UBTD2: variants seen among roughly 807,000 people sequenced by gnomAD.
The protein encoded by UBTD2 is ubiquitin domain-containing protein 2.
UBTD2 carries 9 observed loss-of-function variants against 19.8 expected under a neutral mutation model. The observed-to-expected ratio is 0.46, with a 90% CI of 0.27 to 0.79. The LOEUF (loss-of-function observed/expected upper bound fraction) is 0.79. Ranked by LOEUF, UBTD2 falls within the 30% of genes least tolerant of loss-of-function variation. The pLI, the probability that UBTD2 is intolerant of heterozygous loss-of-function variation, is 0.14. For missense variants in UBTD2, 250 were observed against 300.4 expected, an observed-to-expected ratio of 0.83 and a Z score of 1.24; for synonymous variants, 98 against 103.9, an observed-to-expected ratio of 0.94 and a Z score of 0.35.
chr5:172,218,805 A>AT (rs1429572350), intron 2 of UBTD2, among the ~76,000 whole-genome samples: 15 of 105,970 alleles, frequency 1.4e-4, no homozygotes, highest in Non-Finnish European at 2.4e-4. Flanking sequence ...AAATAAAAAA[A>AT]AAAATAAAAA....
At chr5:172,245,900 A>G (rs1410674209) in intron 1 of UBTD2, among the ~76,000 whole-genome samples, 1 of 152,228 alleles carries the variant, frequency 6.6e-6, no homozygotes, top group African/African-American at 2.4e-5. Context: ...GCCTGCTGAA[A>G]CAAAACAAAA....
intron 1 of UBTD2, among the ~76,000 whole-genome samples, chr5:172,241,984 C>T (rs1581220265): frequency 6.6e-6 from 1 of 152,264 alleles, no homozygotes; most frequent in African/African-American, 2.4e-5. Flanking sequence ...TGCAACTGCA[C>T]TCTAGCCTGG....
At chr5:172,255,077 T>A in intron 1 of UBTD2, 1 of 493,374 alleles carries the variant, frequency 2.0e-6, no homozygotes, top group African/African-American at 2.0e-5. Context: ...CATGGACAAG[T>A]GGCACGTCAA....
intron 1 of UBTD2, among the ~76,000 whole-genome samples, chr5:172,261,163 G>A (rs1755263029): frequency 6.6e-6 from 1 of 152,140 alleles, no homozygotes; most frequent in Admixed American, 6.5e-5. Flanking sequence ...AAGCAAGAAT[G>A]TCTCTGCTCC....
chr5:172,224,836 A>G (rs1771730510), intron 2 of UBTD2, among the ~76,000 whole-genome samples: 1 of 152,240 alleles, frequency 6.6e-6, no homozygotes, highest in Non-Finnish European at 1.5e-5. Context: ...AGGTTTGCTT[A>G]AAGAAACCCA....
At position 172,261,267 on chromosome 5, in the gene UBTD2, T is replaced by A. The variant is rs151100812; in HGVS notation, c.70+22329A>T. Among the ~76,000 whole-genome samples the A allele has an allele frequency of 2.6e-5, 4 of 152,298 alleles. No individual in the cohort carries two copies. In the East Asian group the frequency reaches 7.7e-4, roughly 29 times the overall value. On this transcript the variant is annotated intron_variant, in intron 1 of 2. Coordinates refer to ENST00000393792, the MANE Select transcript of UBTD2 (RefSeq NM_152277.3). ...ACACTTTCATGTAATCTCCTTCAAC[T>A]TACCCCTTGGGACAAGCACCACTTT...
intron 1 of UBTD2, among the ~76,000 whole-genome samples, chr5:172,244,707 G>C (rs555409818): frequency 6.6e-6 from 1 of 152,180 alleles, no homozygotes; most frequent in Admixed American, 6.5e-5. Context: ...CCTGCGAAGT[G>C]AGGGAAGAAA....
At chr5:172,266,113 T>C (rs1346383810) in intron 1 of UBTD2, among the ~76,000 whole-genome samples, 1 of 152,008 alleles carries the variant, frequency 6.6e-6, no homozygotes, top group Non-Finnish European at 1.5e-5. Context: ...TTTGTTTTAG[T>C]AGAGATGAGG....
In UBTD2 at chr5:172,283,712, CCCGCCGCCGCCGCCGCTGCAGCCTCCT is replaced by C; in HGVS notation, c.-74_-48del. On this transcript the variant is annotated 5_prime_UTR_variant, in exon 1 of 3. Coordinates refer to ENST00000393792, the MANE Select transcript of UBTD2 (RefSeq NM_152277.3). The surrounding 1 kb of genome is among the most constrained non-coding windows in gnomAD (Gnocchi z 4.3). ...CGCCACCTCCGGACGCTCGTCCGGG[CCCGCCGCCGCCGCCGCTGCAGCCTCCT>C]CCGGCGCCACCGCCGAGCTCCGGAC... 8.5e-7 allele frequency: 1 copy of C among 1,181,548 alleles called. No individual in the cohort carries two copies. Among genetic ancestry groups the C allele is most frequent in the Middle Eastern group, 3.3e-4 (1 of 3,036 alleles). 73.2% of individuals were successfully genotyped at this position (1,181,548 alleles called of 1,614,324 possible).
At chr5:172,257,155 A>G (rs978583464) in intron 1 of UBTD2, among the ~76,000 whole-genome samples, 2 of 152,160 alleles carry the variant, frequency 1.3e-5, no homozygotes, top group Admixed American at 6.6e-5. Context: ...TCTGCCCTCA[A>G]GGAGGTCCCA....
chr5:172,248,121 A>C (rs1449274303), intron 1 of UBTD2, among the ~76,000 whole-genome samples: 1 of 152,218 alleles, frequency 6.6e-6, no homozygotes, highest in African/African-American at 2.4e-5. Context: ...GATGAATAGA[A>C]GTGAACACAA....
In UBTD2 at chr5:172,211,992, C is replaced by T; in HGVS notation, c.543G>A (p.Leu181=). The change falls in exon 3 of 3, where the codon TTG becomes TTA. Residue 181 remains leucine (L), a synonymous_variant. Coordinates refer to ENST00000393792, the MANE Select transcript of UBTD2 (RefSeq NM_152277.3). ...TDTVFHMKRR[L]HAAEGVEPGS... ...CTGGTTCCACTCCCTCTGCTGCATG[C>T]AACCGTCTCTTCATGTGGAATACTG... 2 of 1,614,238 alleles carry T rather than the reference C, an allele frequency of 1.2e-6. No homozygotes were observed. The highest frequency in any genetic ancestry group is 2.2e-5 in the South Asian group (2 of 91,084).
chr5:172,234,258 A>G lies in UBTD2; in HGVS notation c.171T>C (p.Phe57=). The G allele has an allele frequency of 6.2e-7, 1 of 1,614,210 alleles. No individual in the cohort carries two copies. The highest frequency in any genetic ancestry group is 8.5e-7 in the Non-Finnish European group (1 of 1,180,030). Residue 57 remains phenylalanine, a synonymous_variant, in exon 2 of 3, where the codon TTT becomes TTC. Coordinates refer to ENST00000393792, the MANE Select transcript of UBTD2 (RefSeq NM_152277.3). ...CTTCAAAAGCTGGTGCTGTATCCCA[A>G]AATTCATCCCTCTTGCTGCGTAGTT... The part of the protein sequence containing the change: ...DGQLRSKRDE[F]WDTAPAFEGR...
chr5:172,244,298 T>TG (rs372243269), intron 1 of UBTD2, among the ~76,000 whole-genome samples: 21 of 146,084 alleles, frequency 1.4e-4, no homozygotes, highest in Admixed American at 4.8e-4. Flanking sequence ...CCTCCCAGTT[T>TG]TTTTTTTTTT....
chr5:172,277,710 C>A (rs1357040542), intron 1 of UBTD2, among the ~76,000 whole-genome samples: 1 of 151,262 alleles, frequency 6.6e-6, no homozygotes, highest in Non-Finnish European at 1.5e-5. Flanking sequence ...TATTAAAAAA[C>A]AACAACAACA....
rs72645781 is a variant in UBTD2, at chr5:172,215,244, C to A, written c.308-3017G>T. Among the ~76,000 whole-genome samples the A allele has an allele frequency of 9.6e-3, 1,463 of 152,278 alleles. 30 individuals carry two copies. Among genetic ancestry groups the A allele is most frequent in the East Asian group, 0.077 (400 of 5,194 alleles). On this transcript the variant is annotated intron_variant, in intron 2 of 2. Coordinates refer to ENST00000393792, the MANE Select transcript of UBTD2 (RefSeq NM_152277.3). ...CCTCGTAGTGACAGTCAGAATAATT[C>A]CCTGGGTTGGAGGAGGGTGCAAAAG...
At chr5:172,255,142 G>A in intron 1 of UBTD2, 1 of 468,320 alleles carries the variant, frequency 2.1e-6, no homozygotes, top group Admixed American at 2.6e-5. Context: ...GCTGGAAGAA[G>A]GCATGCTCAA....
At chr5:172,219,584 G>T (rs891412823) in intron 2 of UBTD2, among the ~76,000 whole-genome samples, 3 of 152,140 alleles carry the variant, frequency 2.0e-5, no homozygotes, top group African/African-American at 7.2e-5. Flanking sequence ...GAGTAGTGGT[G>T]CTGGCAATTT....
Position 172,209,850 on chromosome 5 carries a change from G to A in UBTD2, c.*1980C>T, listed in dbSNP as rs1479604373. On this transcript the variant is annotated 3_prime_UTR_variant, in exon 3 of 3. Coordinates refer to ENST00000393792, the MANE Select transcript of UBTD2 (RefSeq NM_152277.3). ...TTAAAATAAAATAAACTCTTAAAAA[G>A]AGAGCTCAAATCCTCAACAAAGAAA... is the stretch of plus-strand genomic sequence containing the variant. 6.6e-6 allele frequency: 1 copy of A among 152,462 alleles called. No individual in the cohort carries two copies. The highest frequency in any genetic ancestry group is 2.1e-4 in the South Asian group (1 of 4,826). 9.4% of individuals were successfully genotyped at this position (152,462 alleles called of 1,614,324 possible).
Sources: allele counts gnomAD v4.1 joint callset (sites outside exome capture counted in the v4.1 genomes callset), GRCh38; gene constraint gnomAD v4.1.1; non-coding constraint Gnocchi (gnomAD v3.1); transcripts MANE v1.5; gene names NCBI Gene and HGNC (gene_info 2026-07-23, HGNC 2026-07-21).